The following TRIM14 variants were observed in gnomAD, a reference collection of about 807,000 sequenced individuals.
TRIM14 encodes the protein tripartite motif-containing protein 14.
Under a neutral mutation model 44.5 loss-of-function variants are expected in TRIM14, and 28 were observed. The observed-to-expected ratio is 0.63, with a 90% confidence interval of 0.47 to 0.86. TRIM14 has a LOEUF of 0.86. Among genes scored for constraint, TRIM14 ranks in the 40% least tolerant of loss-of-function variants. The pLI, the probability that TRIM14 is intolerant of heterozygous loss-of-function variation, is 0.00. For missense variants in TRIM14, 607 were observed against 611.1 expected, an observed-to-expected ratio of 0.99 and a Z score of 0.07; for synonymous variants, 299 against 269.2, an observed-to-expected ratio of 1.11 and a Z score of -1.08.
At position 98,087,676 on chromosome 9, in the gene TRIM14, G is replaced by T. The variant is rs753116492; in HGVS notation, c.1123C>A (p.His375Asn). The T allele has an allele frequency of 6.2e-7, 1 of 1,602,140 alleles. No individual in the cohort carries two copies. The highest frequency in any genetic ancestry group is 1.1e-5 in the South Asian group (1 of 90,738). The change falls in exon 6 of 6, where the codon CAC becomes AAC. Residue 375 changes from histidine to asparagine, a missense_variant. Physicochemically the swap from His to Asn is moderately conservative, Grantham distance 68. Coordinates refer to ENST00000341469, the MANE Select transcript of TRIM14 (RefSeq NM_014788.4). ...KRYDLEYWAF[H>N]DGQRSRLRPR... ...CGCAGGCGGCTGCGCTGGCCGTCGT[G>T]GAAGGCCCAGTACTCAAGGTCGTAG...
At chr9:98,070,193 C>T (rs1829275441) in intron 6 of TRIM14, among the ~76,000 whole-genome samples, 1 of 152,230 alleles carries the variant, frequency 6.6e-6, no homozygotes, top group South Asian at 2.1e-4. Context: ...TTGTGGCTCA[C>T]TGTAACCTTC....
At chr9:98,059,621 C>T in the TRIM14 span, among the ~76,000 whole-genome samples, 1 of 152,076 alleles carries the variant, frequency 6.6e-6, no homozygotes, top group African/African-American at 2.4e-5. Context: ...TACTATGTTG[C>T]CGAGGCTGGT....
intron 6 of TRIM14, among the ~76,000 whole-genome samples, chr9:98,073,408 C>G (rs151149926): frequency 6.6e-6 from 1 of 150,704 alleles, no homozygotes; most frequent in African/African-American, 2.4e-5. Flanking sequence ...CCTTAGCCTC[C>G]CGAGTAGCTG....
In TRIM14 at chr9:98,088,022, A is replaced by G; in HGVS notation, c.794-17T>C. 1 of 1,496,368 alleles carries G rather than the reference A, an allele frequency of 6.7e-7. No individual in the cohort carries two copies. The highest frequency in any genetic ancestry group is 8.8e-7 in the Non-Finnish European group (1 of 1,136,564). The allele number at this position is 1,496,368 out of a possible 1,614,324, so 92.7% of individuals were successfully genotyped here. On this transcript the variant is annotated splice_polypyrimidine_tract_variant and intron_variant, in intron 5 of 5. Coordinates refer to ENST00000341469, the MANE Select transcript of TRIM14 (RefSeq NM_014788.4). ...TGCGCGCGTCTGCAGGGGGCGAGACAAGGGACGCACCTGGTGGGCGGGGCC... is the reference window on the plus strand; with the variant it reads ...TGCGCGCGTCTGCAGGGGGCGAGACGAGGGACGCACCTGGTGGGCGGGGCC...
Position 98,094,884 on chromosome 9 carries a change from T to A in TRIM14, c.683A>T (p.Asp228Val). Residue 228 changes from aspartate to valine, a missense_variant, in exon 4 of 6, where the codon GAC becomes GTC. Physicochemically the swap from Asp to Val is radical, Grantham distance 152. Around this residue, in one of 3 missense-constraint regions of TRIM14, gnomAD observed 356 missense variants for 323.0 expected, o/e 1.10. Transcript: ENST00000341469. ...CGACTTACTTTCCTTAAGGCGAATG[T>A]CCAATGGCGTCTGTAATGTACTCTC... ...AVESTLQTPL[D>V]IRLKESINCQ... 6.2e-7 allele frequency: 1 copy of A among 1,614,012 alleles called. No individual in the cohort carries two copies. Among genetic ancestry groups the A allele is most frequent in the Non-Finnish European group, 8.5e-7 (1 of 1,179,950 alleles).
Position 98,087,431 on chromosome 9 carries a change from C to T in TRIM14, c.*39G>A. 1 of 1,607,552 alleles carries T rather than the reference C, an allele frequency of 6.2e-7. No individual in the cohort carries two copies. ...AGGTAGATTAGGCGAGACTGGGCAG[C>T]TGCGGCGTACCTGGAGGCTGTCACG... On this transcript the variant is annotated 3_prime_UTR_variant, in exon 6 of 6. Coordinates refer to ENST00000341469, the MANE Select transcript of TRIM14 (RefSeq NM_014788.4).
At chr9:98,098,527 T>C (rs1050612172) in intron 3 of TRIM14, among the ~76,000 whole-genome samples, 32 of 151,224 alleles carry the variant, frequency 2.1e-4, no homozygotes, top group Admixed American at 4.0e-4. Context: ...CTGGCTAACA[T>C]GGTGAAACCC....
the TRIM14 span, among the ~76,000 whole-genome samples, chr9:98,047,105 A>AC: frequency 3.9e-5 from 6 of 152,054 alleles, no homozygotes; most frequent in Non-Finnish European, 8.8e-5. Flanking sequence ...TGTGGGAGGG[A>AC]CCTAGTGGGA....
intron 4 of TRIM14, among the ~76,000 whole-genome samples, chr9:98,094,010 C>T (rs868150406): frequency 1.3e-5 from 2 of 152,190 alleles, no homozygotes; most frequent in Non-Finnish European, 2.9e-5. Flanking sequence ...TCCCAAAGTG[C>T]TGGGATTACA....
chr9:98,109,295 A>AG (rs1231226510), intron 2 of TRIM14, among the ~76,000 whole-genome samples: 1 of 144,934 alleles, frequency 6.9e-6, no homozygotes, highest in Non-Finnish European at 1.5e-5. Flanking sequence ...ACAGGATGAA[A>AG]GGGGGAGGGA....
chr9:98,042,151 G>T, the TRIM14 span, among the ~76,000 whole-genome samples: 1 of 151,564 alleles, frequency 6.6e-6, no homozygotes, highest in Non-Finnish European at 1.5e-5. Flanking sequence ...AAATTAGCCG[G>T]GCGTGGTGGC....
chr9:98,053,251 C>T, the TRIM14 span, among the ~76,000 whole-genome samples: 1 of 152,214 alleles, frequency 6.6e-6, no homozygotes, highest in Non-Finnish European at 1.5e-5. Flanking sequence ...TTTAACTGCT[C>T]AAGATAATTT....
Position 98,086,316 on chromosome 9 carries a change from A to C in TRIM14, c.*1154T>G, listed in dbSNP as rs577342326. 4 of 152,268 alleles carry C rather than the reference A, an allele frequency of 2.6e-5. No individual in the cohort carries two copies. The South Asian group carries it at 8.3e-4, about 32-fold the overall frequency. The allele number at this position is 152,268 out of a possible 1,614,324, so 9.4% of individuals were successfully genotyped here. ...AACGGGGCACACGTCTGGCCCCCCT[A>C]TATCACCCCGGGGTAACTTTACGCA... On this transcript the variant is annotated 3_prime_UTR_variant, in exon 6 of 6. Coordinates refer to ENST00000341469, the MANE Select transcript of TRIM14 (RefSeq NM_014788.4).
rs1826172243 is a variant in TRIM14 at position 98,095,958 on chromosome 9, ACTC to A, written c.538-932_538-930del. Among the ~76,000 whole-genome samples, 1 of 151,828 alleles carries A rather than the reference ACTC, an allele frequency of 6.6e-6. No homozygotes were observed. The highest frequency in any genetic ancestry group is 2.4e-5 in the African/African-American group (1 of 41,318). ...TGGGCTATCTCATACTCTTCCATAA[ACTC>A]CTTTCTTGCTTAAAACAGTTCCAGT... On this transcript the variant is annotated intron_variant, in intron 3 of 5. Coordinates refer to ENST00000341469, the MANE Select transcript of TRIM14 (RefSeq NM_014788.4). The surrounding 1 kb of genome is among the most constrained non-coding windows in gnomAD (Gnocchi z 4.1).
At chr9:98,117,211 G>A (rs563387771) in intron 1 of TRIM14, among the ~76,000 whole-genome samples, 103 of 152,180 alleles carry the variant, frequency 6.8e-4, no homozygotes, top group African/African-American at 2.4e-3. Context: ...GATTTTCTTC[G>A]TGATGTTTTT....
At chr9:98,036,564 G>A in the TRIM14 span, among the ~76,000 whole-genome samples, 1 of 151,344 alleles carries the variant, frequency 6.6e-6, no homozygotes, top group East Asian at 1.9e-4. Flanking sequence ...CACTTTGGGA[G>A]GTTCAGATGG....
At chr9:98,098,390 A>G (rs1826258818) in intron 3 of TRIM14, among the ~76,000 whole-genome samples, 1 of 152,168 alleles carries the variant, frequency 6.6e-6, no homozygotes, top group South Asian at 2.1e-4. Context: ...ACACCAGACA[A>G]CAGTTTCTTC....
chr9:98,043,930 G>T, the TRIM14 span, among the ~76,000 whole-genome samples: 1 of 151,842 alleles, frequency 6.6e-6, no homozygotes, highest in African/African-American at 2.4e-5. Flanking sequence ...AACAAGTAGA[G>T]GTGCCATAAC....
At chr9:98,098,152 C>T (rs539605611) in intron 3 of TRIM14, among the ~76,000 whole-genome samples, 1 of 152,326 alleles carries the variant, frequency 6.6e-6, no homozygotes, top group Non-Finnish European at 1.5e-5. Context: ...CCTTGTCCCA[C>T]AGCCTTTAAA....
Sources: allele counts gnomAD v4.1 joint callset (sites outside exome capture counted in the v4.1 genomes callset), GRCh38; gene constraint gnomAD v4.1.1; regional missense constraint gnomAD v4.1.1; non-coding constraint Gnocchi (gnomAD v3.1); transcripts MANE v1.5; gene names NCBI Gene and HGNC (gene_info 2026-07-23, HGNC 2026-07-21).